Variants in TMEM53 observed in about 807,000 individuals in gnomAD.
The protein encoded by TMEM53 is novel DUF829 domain-containing protein.
In TMEM53, 14 loss-of-function variants were observed where a neutral mutation model predicts 21.4. The ratio of observed to expected loss-of-function variants is 0.65; its 90% CI spans 0.43 to 1.02. The LOEUF is 1.02. TMEM53 is among the 50% of genes least tolerant of loss of function. The pLI, the probability that TMEM53 is intolerant of heterozygous loss-of-function variation, is 0.00. For synonymous variants in TMEM53, 148 were observed against 157.4 expected (o/e 0.94, Z 0.45); for missense variants, 323 against 383.6 (o/e 0.84, Z 1.32).
chr1:44,659,855 C>CTTT lies in TMEM53; in HGVS notation c.183+316_183+318dup, dbSNP rs35618807. The stretch of plus-strand genomic sequence containing the variant: ...ATAACCCCATGGCCTTCCTCACAGG[C>CTTT]TTTTTTTTTTTTTTTTTTTTTTGAG... On this transcript the variant is annotated intron_variant, in intron 2 of 2. Transcript: ENST00000372237. 3.3e-3 allele frequency among the ~76,000 whole-genome samples: 351 copies of CTTT among 106,910 alleles called. 1 individual carries two copies. Among genetic ancestry groups the CTTT allele is most frequent in the African/African-American group, 6.5e-3 (163 of 25,046 alleles). 70.1% of individuals were successfully genotyped at this position (106,910 alleles called of 152,430 possible).
intron 1 of TMEM53, among the ~76,000 whole-genome samples, chr1:44,661,124 A>C (rs1222185030): frequency 1.3e-5 from 2 of 152,244 alleles, no homozygotes; most frequent in Admixed American, 1.3e-4. Context: ...AGAACAGCAG[A>C]GTAGAGTAGT....
intron 1 of TMEM53, among the ~76,000 whole-genome samples, chr1:44,663,328 C>A (rs947176935): frequency 3.9e-5 from 6 of 152,176 alleles, no homozygotes; most frequent in African/African-American, 1.4e-4. Context: ...GCAACCTCCG[C>A]CCCCTGGGTT....
intron 1 of TMEM53, among the ~76,000 whole-genome samples, chr1:44,672,990 G>A (rs1645022742): frequency 6.6e-6 from 1 of 152,206 alleles, no homozygotes; most frequent in Admixed American, 6.5e-5. Context: ...GTAAGACATG[G>A]AGCTGAAATG....
Position 44,654,754 on chromosome 1 carries a change from G to A in TMEM53, c.639C>T (p.Leu213=). The part of the protein sequence containing the change: ...LQDAGSRWPE[L]YLYSRADEVV... ...CTTCGTCAGCCCTCGAGTAGAGGTA[G>A]AGCTCGGGCCAGCGAGAGCCCGCGT... Residue 213 remains leucine (L), a synonymous_variant, in exon 3 of 3, where the codon CTC becomes CTT. Coordinates refer to ENST00000372237, the MANE Select transcript of TMEM53 (RefSeq NM_024587.4). The surrounding 1 kb of genome is among the most constrained non-coding windows in gnomAD (Gnocchi z 7.0). The A allele has an allele frequency of 6.2e-7, 1 of 1,614,118 alleles. No individual in the cohort carries two copies. Among genetic ancestry groups the A allele is most frequent in the South Asian group, 1.1e-5 (1 of 91,090 alleles).
chr1:44,673,510 ACT>A (rs1645035638), intron 1 of TMEM53, among the ~76,000 whole-genome samples: 1 of 151,310 alleles, frequency 6.6e-6, no homozygotes, highest in Non-Finnish European at 1.5e-5. Flanking sequence ...CAAACTTTCC[ACT>A]CTCTGGACCC....
At position 44,654,846 on chromosome 1, in the gene TMEM53, G is replaced by A; in HGVS notation, c.547C>T (p.Leu183=). ...LLVAFALVVV[L]FHVLLAPITA... ...ATGGGAGCAAGCAGGACGTGGAACA[G>A]GACGACCACCAGGGCAAAGGCCACC... Residue 183 remains leucine (L), a synonymous_variant, in exon 3 of 3, where the codon CTG becomes TTG. Transcript: ENST00000372237. This position sits in a 1 kb window ranked among gnomAD's most constrained non-coding sequence, Gnocchi z 7.0. 3 of 1,613,026 alleles carry A rather than the reference G, an allele frequency of 1.9e-6. No homozygotes were observed. Among genetic ancestry groups the A allele is most frequent in the Non-Finnish European group, 2.5e-6 (3 of 1,179,998 alleles).
Position 44,653,973 on chromosome 1 carries a change from T to G in TMEM53, c.*586A>C, listed in dbSNP as rs1644823429. On this transcript the variant is annotated 3_prime_UTR_variant, in exon 3 of 3. Coordinates refer to ENST00000372237, the MANE Select transcript of TMEM53 (RefSeq NM_024587.4). The stretch of plus-strand genomic sequence containing the variant: ...CGTACACACTTACAATTTTGTTAGG[T>G]GATCTTGGCCAGGCGCGGTGACTCA... 6.6e-6 allele frequency: 1 copy of G among 152,432 alleles called. No individual in the cohort carries two copies. Among genetic ancestry groups the G allele is most frequent in the Admixed American group, 6.5e-5 (1 of 15,304 alleles). 9.4% of individuals were successfully genotyped at this position (152,432 alleles called of 1,614,324 possible). A position where few individuals can be genotyped will look rare whatever the true frequency, so the allele number is the denominator to read the frequency against.
Position 44,674,330 on chromosome 1 carries a change from C to T in TMEM53, c.61+1G>A. On this transcript the variant is annotated splice_donor_variant, in intron 1 of 2. Coordinates refer to ENST00000372237, the MANE Select transcript of TMEM53 (RefSeq NM_024587.4). LOFTEE classifies it high-confidence loss of function. ...GCCTGGACCCAACCCTCATTCCATACTCTGGCTCCAGCAGGGCTGATCCGG... is the reference window on the plus strand; with the variant it reads ...GCCTGGACCCAACCCTCATTCCATATTCTGGCTCCAGCAGGGCTGATCCGG... The T allele has an allele frequency of 6.2e-7, 1 of 1,611,994 alleles. No individual in the cohort carries two copies. Among genetic ancestry groups the T allele is most frequent in the Non-Finnish European group, 8.5e-7 (1 of 1,178,948 alleles).
chr1:44,664,155 A>T (rs1644926401), intron 1 of TMEM53, among the ~76,000 whole-genome samples: 1 of 150,664 alleles, frequency 6.6e-6, no homozygotes. Flanking sequence ...TTATTATAAA[A>T]AAAAAAAAAA....
intron 2 of TMEM53, among the ~76,000 whole-genome samples, chr1:44,659,014 G>T (rs974605626): frequency 3.3e-5 from 5 of 152,110 alleles, no homozygotes; most frequent in African/African-American, 1.2e-4. Context: ...AGGATCTCAG[G>T]CTAATGAAGA....
intron 1 of TMEM53, among the ~76,000 whole-genome samples, chr1:44,667,134 C>T (rs369630372): frequency 6.6e-5 from 10 of 151,914 alleles, no homozygotes; most frequent in South Asian, 4.2e-4. Flanking sequence ...TGAGCCACCG[C>T]GCCTGGCCAG....
At chr1:44,673,858 G>A in intron 1 of TMEM53, 1 of 985,400 alleles carries the variant, frequency 1.0e-6, no homozygotes, top group South Asian at 4.7e-5. Flanking sequence ...CTGCCGAGAA[G>A]AGTGGAGAGG....
At chr1:44,660,053 T>G (rs1389510747) in intron 2 of TMEM53, 121 bp downstream of exon 2, 1 of 1,269,504 alleles carries the variant, frequency 7.9e-7, no homozygotes, top group African/African-American at 1.5e-5. Flanking sequence ...AGACAGGGTT[T>G]GACCATGTTG....
intron 1 of TMEM53, among the ~76,000 whole-genome samples, chr1:44,671,708 C>G (rs1401852923): frequency 3.3e-5 from 5 of 152,360 alleles, no homozygotes; most frequent in East Asian, 1.9e-4. Flanking sequence ...GCGGGTGGAT[C>G]ACCTGAGGTC....
Position 44,655,938 on chromosome 1 carries a change from T to C in TMEM53, c.184-729A>G, listed in dbSNP as rs188901384. Among the ~76,000 whole-genome samples the C allele has an allele frequency of 1.5e-4, 23 of 152,282 alleles. No homozygotes were observed. The East Asian group carries it at 4.1e-3, about 27-fold the overall frequency. ...AACACTTGTTCCTCGAATTCTATAA[T>C]CTGGGCCCAAACTCCCTCTAGGTTT... On this transcript the variant is annotated intron_variant, in intron 2 of 2. Transcript: ENST00000372237. This position sits in a 1 kb window ranked among gnomAD's most constrained non-coding sequence, Gnocchi z 4.4.
intron 1 of TMEM53, among the ~76,000 whole-genome samples, chr1:44,672,585 C>G (rs1366054372): frequency 6.6e-6 from 1 of 152,196 alleles, no homozygotes; most frequent in Non-Finnish European, 1.5e-5. Flanking sequence ...AATGTTTGGG[C>G]AGAAGCATCG....
chr1:44,654,478 G>C lies in TMEM53; in HGVS notation c.*81C>G. On this transcript the variant is annotated 3_prime_UTR_variant, in exon 3 of 3. Coordinates refer to ENST00000372237, the MANE Select transcript of TMEM53 (RefSeq NM_024587.4). This position sits in a 1 kb window ranked among gnomAD's most constrained non-coding sequence, Gnocchi z 7.0. ...CAAAGGGCTACAGGGAGTTGAACGA[G>C]AAGAGTGCCCGACAGATTGCAGGTT... 1 of 1,508,458 alleles carries C rather than the reference G, an allele frequency of 6.6e-7. No individual in the cohort carries two copies. The highest frequency in any genetic ancestry group is 9.0e-7 in the Non-Finnish European group (1 of 1,113,656). The allele number at this position is 1,508,458 out of a possible 1,614,324, so 93.4% of individuals were successfully genotyped here.
At chr1:44,671,666 C>T (rs910294166) in intron 1 of TMEM53, among the ~76,000 whole-genome samples, 9 of 152,164 alleles carry the variant, frequency 5.9e-5, no homozygotes, top group Admixed American at 3.3e-4. Context: ...CAGTGGCTCA[C>T]GCCTGTAATC....
chr1:44,662,336 C>T (rs1229121152), intron 1 of TMEM53, among the ~76,000 whole-genome samples: 1 of 152,222 alleles, frequency 6.6e-6, no homozygotes, highest in African/African-American at 2.4e-5. Context: ...CAGGTGCTGG[C>T]TCGGCCTCTG....
Sources: allele counts gnomAD v4.1 joint callset (sites outside exome capture counted in the v4.1 genomes callset), GRCh38; gene constraint gnomAD v4.1.1; non-coding constraint Gnocchi (gnomAD v3.1); transcripts MANE v1.5; gene names NCBI Gene and HGNC (gene_info 2026-07-23, HGNC 2026-07-21).